The following DPY30 variants were observed in gnomAD, a reference collection of about 807,000 sequenced individuals.
DPY30 encodes the protein dpy-30 histone methyltransferase complex regulatory subunit.
Under a neutral mutation model 16.2 loss-of-function variants are expected in DPY30, and 6 were observed. That is an observed-to-expected ratio of 0.37 (90% CI 0.20 to 0.73). DPY30 has a LOEUF of 0.73. Among genes scored for constraint, DPY30 ranks in the 30% least tolerant of loss-of-function variants. The pLI is 0.51. For synonymous variants in DPY30, 39 were observed against 38.8 expected, an observed-to-expected ratio of 1.00 and a Z score of -0.02; for missense variants, 73 against 113.1, an observed-to-expected ratio of 0.65 and a Z score of 1.61.
chr2:32,011,799 A>G (rs933642021), downstream of DPY30: 1 of 152,270 alleles, frequency 6.6e-6, no homozygotes, highest in Non-Finnish European at 1.5e-5. Flanking sequence ...CCTGCCTATA[A>G]TCCCAGCACT....
At chr2:32,039,585 A>AC in intron 1 of DPY30, 93 bp from the exon 2 acceptor site, 2 of 1,273,444 alleles carry the variant, frequency 1.6e-6, no homozygotes, top group Non-Finnish European at 2.2e-6. Context: ...CCCGCCCCTC[A>AC]CCCCCACCTG....
chr2:32,032,932 G>A (rs1267463353), intron 3 of DPY30, among the ~76,000 whole-genome samples: 1 of 152,088 alleles, frequency 6.6e-6, no homozygotes, highest in Admixed American at 6.5e-5. Flanking sequence ...GGAGGCAGAG[G>A]TTGCAGTGAG....
At chr2:32,037,865 T>A (rs1675805933) in intron 3 of DPY30, among the ~76,000 whole-genome samples, 1 of 151,698 alleles carries the variant, frequency 6.6e-6, no homozygotes, top group African/African-American at 2.4e-5. Context: ...TATGCTTTAT[T>A]AAAAAAAACA....
chr2:32,025,536 G>A (rs7558745), intron 4 of DPY30, among the ~76,000 whole-genome samples: 2,900 of 152,062 alleles, frequency 0.019, 53 homozygotes, highest in Middle Eastern at 0.048. Flanking sequence ...GCCAAGGCGG[G>A]CAGATCACAA....
intron 3 of DPY30, among the ~76,000 whole-genome samples, chr2:32,037,879 CAT>C (rs972760224): frequency 6.6e-6 from 1 of 151,822 alleles, no homozygotes; most frequent in African/African-American, 2.4e-5. Context: ...AAAAACAAGA[CAT>C]GTGTGATTCA....
chr2:32,029,848 A>G, intron 3 of DPY30, 112 bp from the exon 4 acceptor site: 1 of 1,211,394 alleles, frequency 8.3e-7, no homozygotes, highest in Non-Finnish European at 1.2e-6. Context: ...ATCAATGACT[A>G]GAAAGATGGT....
chr2:32,029,162 C>A (rs1675441619), intron 4 of DPY30, among the ~76,000 whole-genome samples: 1 of 152,014 alleles, frequency 6.6e-6, no homozygotes, highest in African/African-American at 2.4e-5. Context: ...GTCCCAGCTA[C>A]CCGGGAGGCT....
intron 4 of DPY30, among the ~76,000 whole-genome samples, chr2:32,025,080 A>G (rs1675279650): frequency 6.6e-6 from 1 of 152,244 alleles, no homozygotes; most frequent in Non-Finnish European, 1.5e-5. Flanking sequence ...CACTTTAAAC[A>G]GCCCTAAGAG....
intron 3 of DPY30, among the ~76,000 whole-genome samples, chr2:32,038,303 T>C (rs985972972): frequency 6.7e-6 from 1 of 150,274 alleles, no homozygotes; most frequent in Non-Finnish European, 1.5e-5. Flanking sequence ...GGTTTCACCA[T>C]GTTGGCCAGG....
In DPY30 at chr2:32,035,799, T is replaced by C. The variant is rs981659463; in HGVS notation, c.84+3480A>G. 5.9e-5 allele frequency among the ~76,000 whole-genome samples: 9 copies of C among 151,434 alleles called. 1 individual carries two copies. Among genetic ancestry groups the C allele is most frequent in the African/African-American group, 1.9e-4 (8 of 41,214 alleles). ...AAATACAAAAATTAGCTGGGCATGGTAGCGGGTGCCTATAATCCCAGATAC... is the reference window on the plus strand; with the variant it reads ...AAATACAAAAATTAGCTGGGCATGGCAGCGGGTGCCTATAATCCCAGATAC... On this transcript the variant is annotated intron_variant, in intron 3 of 4. Coordinates refer to ENST00000342166, the MANE Select transcript of DPY30 (RefSeq NM_001321209.2).
chr2:32,031,687 G>A (rs1385000267), intron 3 of DPY30, among the ~76,000 whole-genome samples: 1 of 152,054 alleles, frequency 6.6e-6, no homozygotes, highest in African/African-American at 2.4e-5. Context: ...GCAGTCAGGA[G>A]TTCGAGACCA....
chr2:32,026,114 A>G (rs1206696406), intron 4 of DPY30, among the ~76,000 whole-genome samples: 1 of 152,158 alleles, frequency 6.6e-6, no homozygotes, highest in Non-Finnish European at 1.5e-5. Flanking sequence ...TGTCAAAAAA[A>G]AAAATTTGTG....
At chr2:32,018,082 T>C (rs1675097955) in intron 5 of DPY30, among the ~76,000 whole-genome samples, 1 of 152,092 alleles carries the variant, frequency 6.6e-6, no homozygotes, top group Admixed American at 6.6e-5. Flanking sequence ...AAATTGTTGT[T>C]TACAGGCCAC....
intron 1 of DPY30, 29 bp downstream of exon 1, chr2:32,039,704 G>A (rs1675893156): frequency 1.7e-6 from 1 of 584,752 alleles, no homozygotes; most frequent in Non-Finnish European, 3.0e-6. Context: ...TAGAATAAGT[G>A]AGAAAGTGGG....
chr2:32,024,101 G>A lies in DPY30; in HGVS notation c.*83C>T. ...GAAGGTTCTTATACATCCAAAAAGA[G>A]GGAATGATCATGGCAATTAAAGCTG... On this transcript the variant is annotated 3_prime_UTR_variant, in exon 5 of 5. Transcript: ENST00000342166. 5.2e-6 allele frequency: 8 copies of A among 1,549,144 alleles called. No individual in the cohort carries two copies. The highest frequency in any genetic ancestry group is 2.4e-5 in the South Asian group (2 of 82,836).
At chr2:32,024,674 G>T (rs570310643) in intron 4 of DPY30, among the ~76,000 whole-genome samples, 19 of 152,238 alleles carry the variant, frequency 1.2e-4, no homozygotes, top group Admixed American at 9.2e-4. Context: ...TATGATATGT[G>T]TAATATTCTG....
At chr2:32,028,878 G>A (rs755879904) in intron 4 of DPY30, among the ~76,000 whole-genome samples, 21 of 151,678 alleles carry the variant, frequency 1.4e-4, no homozygotes, top group African/African-American at 3.9e-4. Context: ...TAGGAGAATC[G>A]CTTGAACCCG....
intron 4 of DPY30, among the ~76,000 whole-genome samples, chr2:32,026,650 G>A (rs1005088846): frequency 6.6e-6 from 1 of 151,832 alleles, no homozygotes; most frequent in Admixed American, 6.6e-5. Context: ...AATTAGCCAG[G>A]CACGATGGCA....
chr2:32,037,794 C>G (rs999253080), intron 3 of DPY30, among the ~76,000 whole-genome samples: 1 of 152,012 alleles, frequency 6.6e-6, no homozygotes, highest in Non-Finnish European at 1.5e-5. Context: ...CTCAAGTGAT[C>G]TGCCCACCTC....
Sources: allele counts gnomAD v4.1 joint callset (sites outside exome capture counted in the v4.1 genomes callset), GRCh38; gene constraint gnomAD v4.1.1; transcripts MANE v1.5; gene names NCBI Gene and HGNC (gene_info 2026-07-23, HGNC 2026-07-21).